KNDC1: variants seen among roughly 807,000 people sequenced by gnomAD.
KNDC1 encodes the protein kinase non-catalytic C-lobe domain containing 1.
In KNDC1, 106 loss-of-function variants were observed where a neutral mutation model predicts 172.8. The observed-to-expected ratio is 0.61, with a 90% CI of 0.52 to 0.72. The LOEUF is 0.72. KNDC1 is among the 30% of genes least tolerant of loss of function. KNDC1 has a pLI of 0.00. For synonymous variants in KNDC1, 1,083 were observed against 1,062.2 expected (o/e 1.02, Z -0.38); for missense variants, 2,325 against 2,394.5 (o/e 0.97, Z 0.61).
At chr10:133,180,374 G>C (rs931116777) in intron 3 of KNDC1, among the ~76,000 whole-genome samples, 2 of 152,206 alleles carry the variant, frequency 1.3e-5, no homozygotes, top group Admixed American at 6.5e-5. Context: ...CCCCTCGCCC[G>C]CGGCCATGCA....
At chr10:133,179,452 G>T (rs1853652416) in intron 3 of KNDC1, 1 of 152,244 alleles carries the variant, frequency 6.6e-6, no homozygotes, top group African/African-American at 2.4e-5. Context: ...GAGCCTCCCA[G>T]GGCTGACCTG....
chr10:133,200,365 T>C lies in KNDC1; in HGVS notation c.2904-10T>C. 1 of 1,577,264 alleles carries C rather than the reference T, an allele frequency of 6.3e-7. No individual in the cohort carries two copies. Among genetic ancestry groups the C allele is most frequent in the Admixed American group, 1.8e-5 (1 of 56,200 alleles). The stretch of plus-strand genomic sequence containing the variant: ...CGGAGGTGGGGACTGACCTGCATTC[T>C]CGTCGTCAGCACGGCCGAGGAGGCT... On this transcript the variant is annotated splice_polypyrimidine_tract_variant and intron_variant, in intron 15 of 29. Transcript: ENST00000304613.
intron 3 of KNDC1, among the ~76,000 whole-genome samples, chr10:133,181,140 C>T (rs1382972740): frequency 6.6e-6 from 1 of 151,826 alleles, no homozygotes; most frequent in Admixed American, 6.6e-5. Context: ...CCCACTGACG[C>T]CACATGGGGC....
chr10:133,198,549 G>A, intron 13 of KNDC1, 29 bp from the exon 14 acceptor site: 4 of 1,578,324 alleles, frequency 2.5e-6, no homozygotes, highest in Non-Finnish European at 3.5e-6. Context: ...GGCGCAGGCA[G>A]CCCCTCCTGA....
In KNDC1 at chr10:133,165,700, C is replaced by A. The variant is rs557184049; in HGVS notation, c.103-1681C>A. 9.8e-5 allele frequency among the ~76,000 whole-genome samples: 15 copies of A among 152,318 alleles called. 1 individual carries two copies. The South Asian group carries it at 3.1e-3, about 32-fold the overall frequency. ...GCGTGTGCAGGTGCATGGGTGTGTG[C>A]ATGTGTTTGTGTGTACGCAGTGCCC... On this transcript the variant is annotated intron_variant, in intron 1 of 29. Coordinates refer to ENST00000304613, the MANE Select transcript of KNDC1 (RefSeq NM_152643.8).
intron 3 of KNDC1, among the ~76,000 whole-genome samples, chr10:133,182,806 G>C (rs1246543441): frequency 1.3e-5 from 2 of 152,258 alleles, no homozygotes; most frequent in Non-Finnish European, 2.9e-5. Context: ...ACAGATCTAG[G>C]CCCAACTGCG....
chr10:133,188,227 G>C (rs1008874290), intron 6 of KNDC1, among the ~76,000 whole-genome samples: 2 of 152,204 alleles, frequency 1.3e-5, no homozygotes, highest in Non-Finnish European at 2.9e-5. Flanking sequence ...GTTCCTCGGG[G>C]AATGTGGCCG....
At chr10:133,178,638 G>A (rs1853627461) in intron 3 of KNDC1, among the ~76,000 whole-genome samples, 2 of 152,162 alleles carry the variant, frequency 1.3e-5, no homozygotes, top group Non-Finnish European at 2.9e-5. Context: ...ATCTGAGTGA[G>A]ATCCACACAC....
chr10:133,183,121 T>C (rs1310413144), intron 3 of KNDC1, among the ~76,000 whole-genome samples: 1 of 140,956 alleles, frequency 7.1e-6, no homozygotes, highest in Non-Finnish European at 1.5e-5. Flanking sequence ...GCGGCAAAAG[T>C]GTGGGCGGTA....
intron 3 of KNDC1, among the ~76,000 whole-genome samples, chr10:133,175,003 GTGAA>G (rs1853486498): frequency 6.6e-6 from 1 of 150,956 alleles, no homozygotes; most frequent in African/African-American, 2.4e-5. Flanking sequence ...TGGTGGATAT[GTGAA>G]TGGATGGGTG....
intron 26 of KNDC1, among the ~76,000 whole-genome samples, chr10:133,214,545 C>G (rs545815457): frequency 1.3e-5 from 2 of 152,328 alleles, no homozygotes; most frequent in South Asian, 4.1e-4. Flanking sequence ...CGCACCACCC[C>G]CAGCACTGGG....
chr10:133,195,711 A>G lies in KNDC1; in HGVS notation c.1624A>G (p.Ser542Gly). The G allele has an allele frequency of 1.2e-6, 2 of 1,612,618 alleles. No individual in the cohort carries two copies. Among genetic ancestry groups the G allele is most frequent in the Non-Finnish European group, 8.5e-7 (1 of 1,179,686 alleles). ...AAVLWTAAKF[S>G]VPRNHKLALP... ...CGTTCTGTGGACCGCAGCCAAGTTC[A>G]GCGTCCCCCGCAACCACAAGCTGGC... The change falls in exon 10 of 30, where the codon AGC becomes GGC. Residue 542 changes from serine (S) to glycine (G), a missense_variant. By Grantham distance (56) the Ser-to-Gly change is moderately conservative (BLOSUM62 0). Transcript: ENST00000304613.
rs200353232 is a variant in KNDC1 at position 133,213,773 on chromosome 10, G to C, written c.4526+46G>C. 47 of 1,570,816 alleles carry C rather than the reference G, an allele frequency of 3.0e-5. No homozygotes were observed. The East Asian group carries it at 9.6e-4, about 32-fold the overall frequency. ...GCTGGGAGCGGTGGTGGAGGGTCTC[G>C]GGGGCTTCCCGTAAGAGTCTTGTGG... On this transcript the variant is annotated intron_variant, in intron 25 of 29. Coordinates refer to ENST00000304613, the MANE Select transcript of KNDC1 (RefSeq NM_152643.8).
chr10:133,184,879 A>C (rs1425259902), intron 5 of KNDC1, among the ~76,000 whole-genome samples: 2 of 152,208 alleles, frequency 1.3e-5, no homozygotes. Flanking sequence ...TCACAACTGA[A>C]TTTCACCTGC....
chr10:133,193,101 T>TGG (rs36088745), intron 9 of KNDC1, among the ~76,000 whole-genome samples: 10 of 151,732 alleles, frequency 6.6e-5, no homozygotes, highest in African/African-American at 1.9e-4. Context: ...TATACACATA[T>TGG]GGGGGGGGAA....
rs1853204960 is a variant in KNDC1 at position 133,167,454 on chromosome 10, G to T, written c.176G>T (p.Cys59Phe). Residue 59 changes from cysteine to phenylalanine, a missense_variant, in exon 2 of 30, where the codon TGC (cysteine) becomes TTC (phenylalanine). Coordinates refer to ENST00000304613, the MANE Select transcript of KNDC1 (RefSeq NM_152643.8). ...AGCGAGCAGGAAGCCTGGGCCGTGT[G>T]CCTGGAGTGCAGCCTGTCCATGCGG... ...GLSEQEAWAV[C>F]LECSLSMRSV... 1.9e-6 allele frequency: 3 copies of T among 1,606,116 alleles called. No individual in the cohort carries two copies. The highest frequency in any genetic ancestry group is 2.5e-6 in the Non-Finnish European group (3 of 1,177,494).
chr10:133,198,341 CCTGCCGGTGAACAGCGA>C lies in KNDC1; in HGVS notation c.1913_1929del (p.Leu638HisfsTer18), dbSNP rs1175086827. Reference sequence around the variant, plus strand: ...CTCAGCCCCCTGGCTCCCCAGGCTTCCTGCCGGTGAACAGCGACACCGGGCTTGTGGCTGTGCCAGGG... The same window carrying C: ...CTCAGCCCCCTGGCTCCCCAGGCTTCCACCGGGCTTGTGGCTGTGCCAGGG... On this transcript the variant is annotated frameshift_variant, in exon 13 of 30. Coordinates refer to ENST00000304613, the MANE Select transcript of KNDC1 (RefSeq NM_152643.8). LOFTEE classifies it high-confidence loss of function. The C allele has an allele frequency of 3.2e-6, 5 of 1,575,508 alleles. No homozygotes were observed. The highest frequency in any genetic ancestry group is 4.3e-6 in the Non-Finnish European group (5 of 1,161,682).
At chr10:133,206,540 C>A in intron 17 of KNDC1, 145 bp from the exon 18 acceptor site, 1 of 724,658 alleles carries the variant, frequency 1.4e-6, no homozygotes, top group Non-Finnish European at 2.4e-6. Flanking sequence ...GCCTCGCTGG[C>A]TGAGTGGGCC....
chr10:133,199,661 CTCTGCTGCCTGA>C (rs765539154), intron 15 of KNDC1, 59 bp downstream of exon 15: 7 of 1,574,762 alleles, frequency 4.4e-6, no homozygotes, highest in Non-Finnish European at 6.1e-6. Context: ...TGTGCCTGGG[CTCTGCTGCCTGA>C]CCCGGGCCCA....
Sources: gnomAD v4.1 joint callset for allele counts (sites outside exome capture counted in the v4.1 genomes callset) on GRCh38, gnomAD v4.1.1 for gene constraint, MANE v1.5 for transcripts, NCBI Gene and HGNC (gene_info 2026-07-23, HGNC 2026-07-21) for gene names.